The following PCSK5 variants were observed in gnomAD, a reference collection of about 807,000 sequenced individuals.
PCSK5 encodes prohormone convertase 5.
A neutral mutation model predicts 233.2 loss-of-function variants in PCSK5; 129 were observed. The observed-to-expected ratio is 0.55, with a 90% confidence interval of 0.48 to 0.64. PCSK5 has a LOEUF of 0.64. Ranked by LOEUF, PCSK5 falls within the 30% of genes least tolerant of loss-of-function variation. PCSK5 has a pLI of 0.00. For missense variants in PCSK5, 2,076 were observed against 2,430.1 expected (o/e 0.85, Z 3.06); for synonymous variants, 825 against 879.2 (o/e 0.94, Z 1.09).
chr9:76,267,603 C>G (rs1827373985), intron 24 of PCSK5, among the ~76,000 whole-genome samples: 1 of 152,048 alleles, frequency 6.6e-6, no homozygotes, highest in Non-Finnish European at 1.5e-5. Flanking sequence ...TGTGTTAAGA[C>G]CATTGTAGAC....
In PCSK5 at chr9:76,310,679, T is replaced by C; in HGVS notation, c.3712T>C (p.Cys1238Arg). The C allele has an allele frequency of 6.3e-7, 1 of 1,593,882 alleles. No homozygotes were observed. Among genetic ancestry groups the C allele is most frequent in the Non-Finnish European group, 8.5e-7 (1 of 1,172,836 alleles). Residue 1238 changes from cysteine to arginine, a missense_variant, in exon 30 of 38, where the codon TGT becomes CGT. Cys to Arg is a radical substitution (Grantham distance 180). This residue lies in a region of PCSK5 where 1,510 missense variants were observed against 1,538.1 expected (regional missense o/e 0.98). Coordinates refer to ENST00000674117, the MANE Select transcript of PCSK5 (RefSeq NM_001372043.1). ...PKGAYLLAQACVSSCPQGTWP... is the reference protein window; with the variant it reads ...PKGAYLLAQARVSSCPQGTWP... ...AGGTGCATATCTTCTGGCTCAGGCC[T>C]GTGTTTCCTCCTGTCCCCAAGGCAC...
Position 76,338,272 on chromosome 9 carries a change from C to T in PCSK5, c.4791C>T (p.Asn1597=). ...CCACTGGCCGGTGTGAGAGGTGCAACAGGAGCTGCAAGGGGTGCCAGGGCC... is the reference window on the plus strand; with the variant it reads ...CCACTGGCCGGTGTGAGAGGTGCAATAGGAGCTGCAAGGGGTGCCAGGGCC... ...DNSTGRCERC[N]RSCKGCQGPR... is the part of the protein sequence containing the mutation. The change falls in exon 35 of 38, where the codon AAC becomes AAT. Residue 1597 remains asparagine (N), a synonymous_variant. Transcript: ENST00000674117. 2 of 1,612,668 alleles carry T rather than the reference C, an allele frequency of 1.2e-6. No individual in the cohort carries two copies. Among genetic ancestry groups the T allele is most frequent in the Non-Finnish European group, 8.5e-7 (1 of 1,179,764 alleles).
rs76969254 is a variant in PCSK5, at chr9:75,946,040, C to A, written c.297+13557C>A. ...TACAAATTCAATGGAGGCCATGCATCTCATTAACTGTGGTATTCCCATGGC... is the reference window on the plus strand; with the variant it reads ...TACAAATTCAATGGAGGCCATGCATATCATTAACTGTGGTATTCCCATGGC... On this transcript the variant is annotated intron_variant, in intron 2 of 37. Coordinates refer to ENST00000674117, the MANE Select transcript of PCSK5 (RefSeq NM_001372043.1). Among the ~76,000 whole-genome samples the A allele has an allele frequency of 3.7e-3, 561 of 152,284 alleles. 2 individuals carry two copies. The highest frequency in any genetic ancestry group is 0.017 in the Middle Eastern group (5 of 294).
chr9:76,178,481 A>G (rs776204051), intron 14 of PCSK5, among the ~76,000 whole-genome samples: 4 of 152,176 alleles, frequency 2.6e-5, no homozygotes, highest in Non-Finnish European at 5.9e-5. Context: ...TTGGAAAATC[A>G]GTTTCTTCAT....
rs1825579811 is a variant in PCSK5, at chr9:75,891,207, G to A, written c.26G>A (p.Cys9Tyr). The change falls in exon 1 of 38, where the codon TGC becomes TAC. Residue 9 changes from cysteine (C) to tyrosine (Y), a missense_variant. Physicochemically the swap from Cys to Tyr is radical, Grantham distance 194. Coordinates refer to ENST00000674117, the MANE Select transcript of PCSK5 (RefSeq NM_001372043.1). MGWGSRCC[C>Y]PGRLDLLCVL... ...ATGGGCTGGGGGAGCCGCTGCTGCT[G>A]CCCGGGACGTTTGGACCTGCTGTGC... 4.7e-6 allele frequency: 7 copies of A among 1,492,382 alleles called. No homozygotes were observed. The highest frequency in any genetic ancestry group is 6.2e-6 in the Non-Finnish European group (7 of 1,130,104). The allele number at this position is 1,492,382 out of a possible 1,614,324, so 92.4% of individuals were successfully genotyped here. A position where few individuals can be genotyped will look rare whatever the true frequency, so the allele number is the denominator to read the frequency against.
chr9:75,969,181 G>A (rs535169405), intron 2 of PCSK5, among the ~76,000 whole-genome samples: 3 of 152,276 alleles, frequency 2.0e-5, no homozygotes, highest in Admixed American at 2.0e-4. Context: ...CTATAATTTT[G>A]TATAAGTGAT....
intron 2 of PCSK5, among the ~76,000 whole-genome samples, chr9:75,949,428 T>C (rs1212293162): frequency 6.6e-6 from 1 of 152,194 alleles, no homozygotes; most frequent in Non-Finnish European, 1.5e-5. Flanking sequence ...TCATGAAGTT[T>C]TCCTTGAAAT....
chr9:76,169,402 A>G (rs981133094), intron 12 of PCSK5, among the ~76,000 whole-genome samples: 1 of 152,086 alleles, frequency 6.6e-6, no homozygotes, highest in Admixed American at 6.6e-5. Flanking sequence ...CACGTCTTCA[A>G]TACTCTACTG....
At chr9:76,102,519 T>C (rs1170172192) in intron 8 of PCSK5, among the ~76,000 whole-genome samples, 1 of 152,162 alleles carries the variant, frequency 6.6e-6, no homozygotes, top group East Asian at 1.9e-4. Context: ...CATTTTGGCG[T>C]CCCAAAAGTT....
intron 5 of PCSK5, among the ~76,000 whole-genome samples, chr9:76,067,096 A>G (rs1343861586): frequency 6.6e-6 from 1 of 152,204 alleles, no homozygotes; most frequent in East Asian, 1.9e-4. Flanking sequence ...CCCAGCACAC[A>G]GTTTTAGGCC....
chr9:75,908,931 CTCTCTCTCTG>C (rs1451789619), intron 1 of PCSK5, among the ~76,000 whole-genome samples: 17 of 117,648 alleles, frequency 1.4e-4, no homozygotes, highest in South Asian at 7.9e-4. Context: ...ATCTCTCTAT[CTCTCTCTCTG>C]TCTATCTATC....
rs111265700 is a variant in PCSK5 at position 76,147,142 on chromosome 9, C to A, written c.1313-9903C>A. Among the ~76,000 whole-genome samples the A allele has an allele frequency of 5.3e-5, 8 of 152,294 alleles. 1 individual carries two copies. The highest frequency in any genetic ancestry group is 3.4e-3 in the Middle Eastern group (1 of 292). ...CAGTCAAACCCTGATTCTTTCCTAA[C>A]AATGCCATATGTACTTAACGCCTTA... is the stretch of plus-strand genomic sequence containing the variant. On this transcript the variant is annotated intron_variant, in intron 10 of 37. Transcript: ENST00000674117.
At chr9:76,043,410 G>GA (rs1219864090) in intron 5 of PCSK5, among the ~76,000 whole-genome samples, 1 of 150,306 alleles carries the variant, frequency 6.7e-6, no homozygotes, top group Non-Finnish European at 1.5e-5. Flanking sequence ...TTTAGACTCT[G>GA]AAAAAAAGAC....
intron 36 of PCSK5, among the ~76,000 whole-genome samples, chr9:76,353,713 G>A (rs1357224040): frequency 6.6e-6 from 1 of 152,180 alleles, no homozygotes; most frequent in African/African-American, 2.4e-5. Context: ...CAACAGTGTG[G>A]GCCAGACAAA....
chr9:76,098,354 G>T (rs1419385342), intron 8 of PCSK5, among the ~76,000 whole-genome samples: 1 of 152,178 alleles, frequency 6.6e-6, no homozygotes, highest in Admixed American at 6.5e-5. Flanking sequence ...GATGAGCTTT[G>T]CATTTGAGGT....
chr9:76,227,973 CTTTT>C (rs1303143941), intron 21 of PCSK5, among the ~76,000 whole-genome samples: 1 of 142,736 alleles, frequency 7.0e-6, no homozygotes. Flanking sequence ...GTGAACTGTT[CTTTT>C]TTTTTTTTTT....
At chr9:75,964,865 G>A (rs1039296998) in intron 2 of PCSK5, among the ~76,000 whole-genome samples, 12 of 151,654 alleles carry the variant, frequency 7.9e-5, no homozygotes, top group Admixed American at 2.6e-4. Flanking sequence ...GTTTTAAATA[G>A]CATCTTTTCT....
intron 9 of PCSK5, among the ~76,000 whole-genome samples, chr9:76,128,112 C>T (rs982256973): frequency 6.6e-6 from 1 of 152,180 alleles, no homozygotes; most frequent in African/African-American, 2.4e-5. Context: ...ATAATTTATA[C>T]ATGCTAAGTC....
At chr9:76,064,741 GC>G (rs938032366) in intron 5 of PCSK5, among the ~76,000 whole-genome samples, 8 of 150,072 alleles carry the variant, frequency 5.3e-5, no homozygotes, top group Admixed American at 1.3e-4. Flanking sequence ...CGGGGTCTCG[GC>G]CGGGCAGAGG....
Sources: allele counts gnomAD v4.1 joint callset (sites outside exome capture counted in the v4.1 genomes callset), GRCh38; gene constraint gnomAD v4.1.1; regional missense constraint gnomAD v4.1.1; transcripts MANE v1.5; gene names NCBI Gene and HGNC (gene_info 2026-07-23, HGNC 2026-07-21).